CLUL1: variants seen among roughly 807,000 people sequenced by gnomAD.
The protein encoded by CLUL1 is clusterin-like protein 1.
In CLUL1, 43 loss-of-function variants were observed where a neutral mutation model predicts 49.4. The observed-to-expected ratio is 0.87, with a 90% CI of 0.68 to 1.12. The LOEUF is 1.12. Among genes scored for constraint, CLUL1 ranks in the 50% most tolerant of loss-of-function variants. CLUL1 has a pLI of 0.00. For missense variants in CLUL1, 486 were observed against 544.4 expected (o/e 0.89, Z 1.07); for synonymous variants, 192 against 184.9 (o/e 1.04, Z -0.31).
At chr18:616,629 A>T in intron 2 of CLUL1, 1 of 518,964 alleles carries the variant, frequency 1.9e-6, no homozygotes, top group Non-Finnish European at 2.5e-6. Context: ...TTGGGTTAAT[A>T]GGATTAAACA....
intron 6 of CLUL1, among the ~76,000 whole-genome samples, chr18:631,860 A>T (rs1598434062): frequency 6.6e-6 from 1 of 152,174 alleles, no homozygotes; most frequent in Non-Finnish European, 1.5e-5. Context: ...CACTACATAA[A>T]GCAGGAATTA....
At chr18:635,082 C>A (rs1314499093) in intron 7 of CLUL1, among the ~76,000 whole-genome samples, 1 of 152,166 alleles carries the variant, frequency 6.6e-6, no homozygotes, top group Non-Finnish European at 1.5e-5. Context: ...TGGGGCAAGT[C>A]ATTTATGCTG....
At chr18:626,750 A>G (rs142095740) in intron 5 of CLUL1, among the ~76,000 whole-genome samples, 1 of 149,446 alleles carries the variant, frequency 6.7e-6, no homozygotes, top group Non-Finnish European at 1.5e-5. Context: ...AATCCCAGCT[A>G]CTCGGAAGGC....
rs2074475576 is a variant in CLUL1 at position 645,807 on chromosome 18, AAAAATATATATATATATAT to A, written c.1397+712_1397+730del. 2.9e-5 allele frequency among the ~76,000 whole-genome samples: 2 copies of A among 69,164 alleles called. 1 individual carries two copies. The highest frequency in any genetic ancestry group is 1.1e-3 in the South Asian group (2 of 1,842). 45.4% of individuals were successfully genotyped at this position (69,164 alleles called of 152,430 possible). ...AGACTCTGTTTAAAAAAAAAAAAAA[AAAAATATATATATATATAT>A]ATATATATATATATATATATATATA... On this transcript the variant is annotated intron_variant, in intron 9 of 9. Coordinates refer to ENST00000692774, the MANE Select transcript of CLUL1 (RefSeq NM_001393344.1).
intron 1 of CLUL1, among the ~76,000 whole-genome samples, chr18:599,149 A>G (rs752215197): frequency 3.2e-4 from 49 of 152,256 alleles, no homozygotes; most frequent in Admixed American, 1.3e-4. Context: ...ATGAAATTAC[A>G]TAGAAGCAAA....
intron 1 of CLUL1, among the ~76,000 whole-genome samples, chr18:602,750 A>C (rs2072868415): frequency 6.6e-6 from 1 of 152,210 alleles, no homozygotes; most frequent in Admixed American, 6.5e-5. Context: ...AGATAAGTAA[A>C]TGCATCTTGA....
At position 647,268 on chromosome 18, in the gene CLUL1, G is replaced by A. The variant is rs139301902; in HGVS notation, c.1397+2171G>A. Among the ~76,000 whole-genome samples, 8 of 151,732 alleles carry A rather than the reference G, an allele frequency of 5.3e-5. No homozygotes were observed. The East Asian group carries it at 1.6e-3, about 29-fold the overall frequency. On this transcript the variant is annotated intron_variant, in intron 9 of 9. Coordinates refer to ENST00000692774, the MANE Select transcript of CLUL1 (RefSeq NM_001393344.1). ...AAAGAGTAGAGCATCTAGGTACTGA[G>A]GGTGCTGGGAAGTCCTGCTAAAGTG... is the stretch of plus-strand genomic sequence containing the variant.
intron 2 of CLUL1, among the ~76,000 whole-genome samples, chr18:616,145 T>C (rs1363985348): frequency 2.6e-5 from 4 of 152,200 alleles, no homozygotes; most frequent in Non-Finnish European, 5.9e-5. Context: ...TGTTTTTAAA[T>C]GAATCATTAA....
intron 2 of CLUL1, among the ~76,000 whole-genome samples, chr18:609,209 A>T (rs1463381198): frequency 6.6e-6 from 1 of 152,186 alleles, no homozygotes; most frequent in South Asian, 2.1e-4. Context: ...TATACATTGA[A>T]CCATCAGGAA....
At chr18:609,389 T>C (rs2073068390) in intron 2 of CLUL1, among the ~76,000 whole-genome samples, 1 of 152,214 alleles carries the variant, frequency 6.6e-6, no homozygotes, top group Non-Finnish European at 1.5e-5. Context: ...AAAAGCTATT[T>C]TGCAGCAGAA....
intron 7 of CLUL1, among the ~76,000 whole-genome samples, chr18:638,736 T>C (rs1201628617): frequency 1.3e-5 from 2 of 151,854 alleles, no homozygotes; most frequent in Non-Finnish European, 2.9e-5. Context: ...TACGCACCTG[T>C]AGTCTCAGCT....
chr18:634,112 A>G (rs1938292100), intron 7 of CLUL1, among the ~76,000 whole-genome samples: 2 of 151,828 alleles, frequency 1.3e-5, no homozygotes, highest in South Asian at 4.2e-4. Context: ...GGGGGCGTTC[A>G]ATGTAGGTTT....
intron 9 of CLUL1, among the ~76,000 whole-genome samples, chr18:646,640 T>A (rs2074517080): frequency 6.6e-6 from 1 of 151,862 alleles, no homozygotes; most frequent in Non-Finnish European, 1.5e-5. Flanking sequence ...CTGAGCTCAG[T>A]ATATTCCCTT....
At chr18:648,344 C>T (rs140036904) in intron 9 of CLUL1, among the ~76,000 whole-genome samples, 8 of 152,254 alleles carry the variant, frequency 5.3e-5, no homozygotes, top group East Asian at 1.9e-4. Context: ...ACAAGGCACA[C>T]GAAGTGATTT....
chr18:629,725 CTG>C (rs2073930916), intron 6 of CLUL1, among the ~76,000 whole-genome samples: 1 of 152,238 alleles, frequency 6.6e-6, no homozygotes, highest in Admixed American at 6.5e-5. Flanking sequence ...CCAAAAAAGT[CTG>C]TGTTACACTA....
intron 2 of CLUL1, among the ~76,000 whole-genome samples, chr18:610,337 A>G (rs1300717930): frequency 1.3e-5 from 2 of 152,164 alleles, no homozygotes; most frequent in Non-Finnish European, 2.9e-5. Context: ...GCCCAGATGC[A>G]ATACATCTGG....
At position 641,329 on chromosome 18, in the gene CLUL1, T is replaced by A; in HGVS notation, c.997T>A (p.Cys333Ser). The A allele has an allele frequency of 1.2e-6, 2 of 1,614,136 alleles. No homozygotes were observed. The highest frequency in any genetic ancestry group is 2.7e-5 in the African/African-American group (2 of 75,048). Residue 333 changes from cysteine to serine, a missense_variant and splice_region_variant, in exon 8 of 10, where the codon TGT becomes AGT. By Grantham distance (112) the Cys-to-Ser change is moderately radical (BLOSUM62 -1). Transcript: ENST00000692774. ...CACATTACTTTCTTCTCTGCTAGACTGTCCTGATGTACCTGCTCTGCACAC... is the reference window on the plus strand; with the variant it reads ...CACATTACTTTCTTCTCTGCTAGACAGTCCTGATGTACCTGCTCTGCACAC... ...QKCQAHLSED[C>S]PDVPALHTEL...
chr18:600,122 T>G (rs2072783055), intron 1 of CLUL1, among the ~76,000 whole-genome samples: 1 of 152,112 alleles, frequency 6.6e-6, no homozygotes, highest in South Asian at 2.1e-4. Context: ...AACTCAGCAG[T>G]TGGGTTTTAT....
At chr18:609,510 A>G (rs927171336) in intron 2 of CLUL1, among the ~76,000 whole-genome samples, 51 of 151,946 alleles carry the variant, frequency 3.4e-4, no homozygotes, top group Non-Finnish European at 6.2e-4. Context: ...AGAATTTTCC[A>G]CTTGTCTCTC....
Sources: gnomAD v4.1 joint callset for allele counts (sites outside exome capture counted in the v4.1 genomes callset) on GRCh38, gnomAD v4.1.1 for gene constraint, MANE v1.5 for transcripts, NCBI Gene and HGNC (gene_info 2026-07-23, HGNC 2026-07-21) for gene names.